Variants in TREM2 observed in about 807,000 individuals in gnomAD.
The protein encoded by TREM2 is triggering receptor expressed on monocytes 2.
TREM2 carries 20 observed loss-of-function variants against 22.9 expected under a neutral mutation model. The ratio of observed to expected loss-of-function variants is 0.87; its 90% CI spans 0.61 to 1.27. The LOEUF (loss-of-function observed/expected upper bound fraction) is 1.27, where lower values mean the gene tolerates loss of function less well. Among genes scored for constraint, TREM2 ranks in the 50% most tolerant of loss-of-function variants. TREM2 has a pLI of 0.00. For synonymous variants in TREM2, 111 were observed against 120.9 expected (o/e 0.92, Z 0.54); for missense variants, 267 against 289.0 (o/e 0.92, Z 0.55).
At chr6:41,160,014 T>G (rs1249937049) in intron 2 of TREM2, 132 bp from the exon 3 acceptor site, 1 of 700,760 alleles carries the variant, frequency 1.4e-6, no homozygotes, top group Admixed American at 2.1e-5. Flanking sequence ...GTCATTACAC[T>G]CCATAAGCCT....
intron 1 of TREM2, 23 bp downstream of exon 1, chr6:41,163,020 A>G (rs762428610): frequency 6.2e-7 from 1 of 1,614,132 alleles, no homozygotes; most frequent in South Asian, 1.1e-5. Context: ...AGAAGGCATC[A>G]CAGGGCACGG....
Position 41,161,469 on chromosome 6 carries a change from C to G in TREM2, c.185G>C (p.Arg62Pro). 2 of 1,614,252 alleles carry G rather than the reference C, an allele frequency of 1.2e-6. No homozygotes were observed. The highest frequency in any genetic ancestry group is 8.5e-7 in the Non-Finnish European group (1 of 1,180,046). ...CCACAAGTTGTGCGTGCTGACCACA[C>G]GCTGGCATGGGCCCTTCTCTCCCAG... is the stretch of plus-strand genomic sequence containing the variant. ...RQLGEKGPCQRVVSTHNLWLL... is the reference protein window; with the variant it reads ...RQLGEKGPCQPVVSTHNLWLL... The change falls in exon 2 of 5, where the codon CGT becomes CCT. Residue 62 changes from arginine to proline, a missense_variant. Physicochemically the swap from Arg to Pro is moderately radical, Grantham distance 103. Transcript: ENST00000373113.
At chr6:41,159,206 G>A in intron 3 of TREM2, 140 bp from the exon 4 acceptor site, 1 of 969,112 alleles carries the variant, frequency 1.0e-6, no homozygotes, top group South Asian at 1.4e-5. Context: ...GGGCCTTTTT[G>A]GAGCTTTGGG....
In TREM2 at chr6:41,163,093, C is replaced by A; in HGVS notation, c.-11G>T. ...CCGGAGAGGCTCCATGCCACCCTTC[C>A]CCAGCCAAGGGCAGAAGCAGAGTGC... On this transcript the variant is annotated 5_prime_UTR_variant, in exon 1 of 5. Coordinates refer to ENST00000373113, the MANE Select transcript of TREM2 (RefSeq NM_018965.4). The A allele has an allele frequency of 6.2e-7, 1 of 1,614,084 alleles. No individual in the cohort carries two copies. The highest frequency in any genetic ancestry group is 8.5e-7 in the Non-Finnish European group (1 of 1,179,976).
At position 41,158,657 on chromosome 6, in the gene TREM2, C is replaced by A. The variant is rs530314472; in HGVS notation, c.*107G>T. The A allele has an allele frequency of 1.9e-4, 302 of 1,608,116 alleles. 1 individual carries two copies. Among genetic ancestry groups the A allele is most frequent in the Non-Finnish European group, 1.9e-4 (225 of 1,177,000 alleles). On this transcript the variant is annotated 3_prime_UTR_variant, in exon 5 of 5. Transcript: ENST00000373113. Reference sequence around the variant, plus strand: ...AGAAGCAGTGTTCAGGCAGAGTAGTCTCTTGCCAGAGCAGAACAAGGAGTC... The same window carrying A: ...AGAAGCAGTGTTCAGGCAGAGTAGTATCTTGCCAGAGCAGAACAAGGAGTC...
rs104894001 is a variant in TREM2 at position 41,161,522 on chromosome 6, C to T, written c.132G>A (p.Trp44Ter). ...VSCPYDSMKH[W>*]GRRKAWCRQL... ...GGCGGCACCAGGCCTTGCGCCTCCC[C>T]CAGTGCTTCATGGAGTCATAGGGGC... Residue 44 changes from tryptophan to a stop codon, truncating the protein, a stop_gained, in exon 2 of 5, where the codon TGG (tryptophan) becomes TGA (stop). Transcript: ENST00000373113. LOFTEE classifies it high-confidence loss of function. 2.5e-6 allele frequency: 4 copies of T among 1,614,086 alleles called. No homozygotes were observed. In the Admixed American group the frequency reaches 5.0e-5, roughly 20 times the overall value.
chr6:41,158,891 G>A lies in TREM2; in HGVS notation c.658C>T (p.Gln220Ter). Residue 220 changes from glutamine (Q) to a stop codon, truncating the protein, a stop_gained, in exon 4 of 5, where the codon CAG becomes TAG. Transcript: ENST00000373113. LOFTEE classifies it high-confidence loss of function. ...AGCCCACCTGGCAGAGTTTGGAGCT[G>A]ATACCCTGGGTCATGGCCACAGTCC... is the stretch of plus-strand genomic sequence containing the variant. ...ELDCGHDPGY[Q>*]LQTLPGLRDT 6.2e-7 allele frequency: 1 copy of A among 1,614,218 alleles called. No individual in the cohort carries two copies. The highest frequency in any genetic ancestry group is 8.5e-7 in the Non-Finnish European group (1 of 1,180,034).
chr6:41,160,326 A>C (rs1204414399), intron 2 of TREM2, among the ~76,000 whole-genome samples: 1 of 152,022 alleles, frequency 6.6e-6, no homozygotes, highest in Non-Finnish European at 1.5e-5. Flanking sequence ...AAAGTGGTGG[A>C]GGTGGGGTTT....
Position 41,161,302 on chromosome 6 carries a change from C to T in TREM2, c.352G>A (p.Ala118Thr). ...ACCAGGACCTTCCTGAGGGTGTCAG[C>T]CTCACTGCCATGGAGGCTCTGGCAC... Reference protein sequence around the residue: ...YQCQSLHGSEADTLRKVLVEV... With the variant: ...YQCQSLHGSETDTLRKVLVEV... The change falls in exon 2 of 5, where the codon GCT becomes ACT. Residue 118 changes from alanine to threonine, a missense_variant. Coordinates refer to ENST00000373113, the MANE Select transcript of TREM2 (RefSeq NM_018965.4). 6.2e-7 allele frequency: 1 copy of T among 1,614,190 alleles called. No homozygotes were observed. Among genetic ancestry groups the T allele is most frequent in the Non-Finnish European group, 8.5e-7 (1 of 1,180,020 alleles).
At chr6:41,159,188 C>T (rs2113877503) in intron 3 of TREM2, 122 bp from the exon 4 acceptor site, 1 of 1,258,218 alleles carries the variant, frequency 7.9e-7, no homozygotes, top group Non-Finnish European at 1.1e-6. Context: ...CAGCACCATC[C>T]CTGGGATGGG....
intron 3 of TREM2, 132 bp downstream of exon 3, chr6:41,159,660 A>G: frequency 1.3e-6 from 1 of 763,534 alleles, no homozygotes; most frequent in South Asian, 1.5e-5. Context: ...GTGTTTACAT[A>G]AGAGATATCC....
chr6:41,159,180 G>A (rs1404636268), intron 3 of TREM2, 114 bp from the exon 4 acceptor site: 3 of 1,333,222 alleles, frequency 2.3e-6, no homozygotes, highest in Non-Finnish European at 3.1e-6. Flanking sequence ...ATCCCACCCA[G>A]CACCATCCCT....
rs1389735521 is a variant in TREM2 at position 41,161,485 on chromosome 6, T to C, written c.169A>G (p.Lys57Glu). The change falls in exon 2 of 5, where the codon AAG becomes GAG. Residue 57 changes from lysine (K) to glutamate (E), a missense_variant. Physicochemically the swap from Lys to Glu is moderately conservative, Grantham distance 56. Transcript: ENST00000373113. ...RKAWCRQLGEKGPCQRVVSTH... is the reference protein window; with the variant it reads ...RKAWCRQLGEEGPCQRVVSTH... Reference sequence around the variant, plus strand: ...CTGACCACACGCTGGCATGGGCCCTTCTCTCCCAGCTGGCGGCACCAGGCC... The same window carrying C: ...CTGACCACACGCTGGCATGGGCCCTCCTCTCCCAGCTGGCGGCACCAGGCC... 1 of 1,614,170 alleles carries C rather than the reference T, an allele frequency of 6.2e-7. No individual in the cohort carries two copies. Among genetic ancestry groups the C allele is most frequent in the South Asian group, 1.1e-5 (1 of 91,084 alleles).
chr6:41,160,193 G>A (rs1383698864), intron 2 of TREM2, among the ~76,000 whole-genome samples: 1 of 152,130 alleles, frequency 6.6e-6, no homozygotes, highest in Non-Finnish European at 1.5e-5. Flanking sequence ...TACAATCGTG[G>A]ATGTACTTGA....
Position 41,161,267 on chromosome 6 carries a change from C to T in TREM2, c.387G>A (p.Leu129=), listed in dbSNP as rs765491948. Residue 129 remains leucine, a synonymous_variant, in exon 2 of 5, where the codon CTG becomes CTA. Transcript: ENST00000373113. ...DTLRKVLVEV[L]ADPLDHRDAG... ...AGGCAGCCACTGCCCACTCACCTGCCAGCACCTCCACCAGGACCTTCCTGA... is the reference window on the plus strand; with the variant it reads ...AGGCAGCCACTGCCCACTCACCTGCTAGCACCTCCACCAGGACCTTCCTGA... The T allele has an allele frequency of 6.2e-7, 1 of 1,613,730 alleles. No homozygotes were observed. The highest frequency in any genetic ancestry group is 8.5e-7 in the Non-Finnish European group (1 of 1,179,832).
At chr6:41,159,119 A>G (rs1765493875) in intron 3 of TREM2, 53 bp from the exon 4 acceptor site, 1 of 1,568,522 alleles carries the variant, frequency 6.4e-7, no homozygotes, top group African/African-American at 1.3e-5. Context: ...ACAGATTAGA[A>G]TCTTCTCTCA....
intron 1 of TREM2, among the ~76,000 whole-genome samples, chr6:41,162,730 C>T (rs1271589252): frequency 6.6e-6 from 1 of 152,140 alleles, no homozygotes; most frequent in Non-Finnish European, 1.5e-5. Context: ...CCCCCCAAAG[C>T]TTCCCCCAAC....
At position 41,158,750 on chromosome 6, in the gene TREM2, C is replaced by G; in HGVS notation, c.*14G>C. On this transcript the variant is annotated 3_prime_UTR_variant, in exon 5 of 5. Coordinates refer to ENST00000373113, the MANE Select transcript of TREM2 (RefSeq NM_018965.4). The stretch of plus-strand genomic sequence containing the variant: ...GTGGGACTTCTCCTGGGCTTTTCCT[C>G]CCATCATCTTCCTTCACGTGTCTCT... The G allele has an allele frequency of 6.2e-7, 1 of 1,614,226 alleles. No individual in the cohort carries two copies. Among genetic ancestry groups the G allele is most frequent in the African/African-American group, 1.3e-5 (1 of 75,068 alleles).
chr6:41,161,367 G>A lies in TREM2; in HGVS notation c.287C>T (p.Thr96Met), dbSNP rs2234253. ...ATCATGGGGTTGTAGATTCCGCAGC[G>A]TAATGGTGAGAGTGCCACCCAGGGT... The part of the protein sequence containing the change: ...DDTLGGTLTI[T>M]LRNLQPHDAG... The change falls in exon 2 of 5, where the codon ACG becomes ATG. Residue 96 changes from threonine (T) to methionine (M), a missense_variant. Thr to Met is a moderately conservative substitution (Grantham distance 81). Coordinates refer to ENST00000373113, the MANE Select transcript of TREM2 (RefSeq NM_018965.4). The A allele has an allele frequency of 1.3e-4, 206 of 1,614,212 alleles. No individual in the cohort carries two copies. The African/African-American group carries it at 2.0e-3, about 16-fold the overall frequency.
Sources: gnomAD v4.1 joint callset for allele counts (sites outside exome capture counted in the v4.1 genomes callset) on GRCh38, gnomAD v4.1.1 for gene constraint, MANE v1.5 for transcripts, NCBI Gene and HGNC (gene_info 2026-07-23, HGNC 2026-07-21) for gene names.